MYRIP: variants seen among roughly 807,000 people sequenced by gnomAD.
MYRIP encodes rab effector MyRIP.
MYRIP carries 49 observed loss-of-function variants against 98.0 expected under a neutral mutation model. That is an observed-to-expected ratio of 0.50 (90% CI 0.40 to 0.63). The LOEUF (loss-of-function observed/expected upper bound fraction) is 0.63. Among genes scored for constraint, MYRIP ranks in the 30% least tolerant of loss-of-function variants. The probability of loss-of-function intolerance (pLI) is 0.00; values close to 1 mark genes in which losing one functional copy is unlikely to be tolerated. For synonymous variants in MYRIP, 404 were observed against 409.5 expected (o/e 0.99, Z 0.16); for missense variants, 1,004 against 1,058.2 (o/e 0.95, Z 0.71).
intron 2 of MYRIP, among the ~76,000 whole-genome samples, chr3:40,018,627 C>T (rs367561496): frequency 6.6e-6 from 1 of 152,278 alleles, no homozygotes; most frequent in East Asian, 1.9e-4. Flanking sequence ...CCACATCACC[C>T]TTCCTGCTTC....
At chr3:40,008,812 G>A (rs998228128) in intron 2 of MYRIP, among the ~76,000 whole-genome samples, 1 of 152,184 alleles carries the variant, frequency 6.6e-6, no homozygotes, top group South Asian at 2.1e-4. Context: ...AAGAATTTCA[G>A]GTTCTCTGCA....
At chr3:40,052,266 C>T (rs1947808580) in intron 3 of MYRIP, among the ~76,000 whole-genome samples, 1 of 152,036 alleles carries the variant, frequency 6.6e-6, no homozygotes, top group Non-Finnish European at 1.5e-5. Flanking sequence ...TTAGCGCCCA[C>T]ATATGAATGA....
rs72868202 is a variant in MYRIP at position 39,921,391 on chromosome 3, A to C, written c.110+20465A>C. ...AGTTAAGTGACAGGAACTCTACTCC[A>C]CTCCCCTAACTGTTTTCAAGGGAAT... On this transcript the variant is annotated intron_variant, in intron 2 of 16. Coordinates refer to ENST00000302541, the MANE Select transcript of MYRIP (RefSeq NM_015460.4). Among the ~76,000 whole-genome samples the C allele has an allele frequency of 1.6e-3, 238 of 151,856 alleles. 1 individual carries two copies. Among genetic ancestry groups the C allele is most frequent in the African/African-American group, 5.6e-3 (233 of 41,382 alleles).
intron 1 of MYRIP, among the ~76,000 whole-genome samples, chr3:39,888,814 A>C (rs1943392596): frequency 6.6e-6 from 1 of 152,212 alleles, no homozygotes; most frequent in Admixed American, 6.5e-5. Context: ...TCTACAATGA[A>C]CTCAAACAAA....
At position 40,233,503 on chromosome 3, in the gene MYRIP, C is replaced by T. The variant is rs76649457; in HGVS notation, c.1906-356C>T. On this transcript the variant is annotated intron_variant, in intron 11 of 16. Coordinates refer to ENST00000302541, the MANE Select transcript of MYRIP (RefSeq NM_015460.4). ...CACTGGACCACACTTCAGTCTGAGA[C>T]TGAAGTTTTGCTGATGAAGTAGAAT... 5.0e-4 allele frequency among the ~76,000 whole-genome samples: 76 copies of T among 152,280 alleles called. No individual in the cohort carries two copies. The East Asian group carries it at 0.014, about 28-fold the overall frequency.
chr3:39,964,921 G>T (rs1444657087), intron 2 of MYRIP, among the ~76,000 whole-genome samples: 1 of 152,066 alleles, frequency 6.6e-6, no homozygotes, highest in Non-Finnish European at 1.5e-5. Context: ...TTTTGATACA[G>T]ACATTTTCTA....
intron 11 of MYRIP, among the ~76,000 whole-genome samples, chr3:40,212,842 C>CAGG (rs988342616): frequency 2.0e-5 from 3 of 151,930 alleles, no homozygotes; most frequent in African/African-American, 7.3e-5. Context: ...GACTTGAACC[C>CAGG]AGGAGGTTGA....
At chr3:40,021,473 G>C (rs1350877120) in intron 2 of MYRIP, among the ~76,000 whole-genome samples, 2 of 152,206 alleles carry the variant, frequency 1.3e-5, no homozygotes, top group Non-Finnish European at 2.9e-5. Flanking sequence ...GTGATGATCT[G>C]AGCTGTAGAG....
intron 1 of MYRIP, among the ~76,000 whole-genome samples, chr3:39,897,281 T>A (rs1362704419): frequency 6.6e-6 from 1 of 152,244 alleles, no homozygotes. Context: ...TCCAAGAAGC[T>A]AATATGTCTT....
intron 1 of MYRIP, among the ~76,000 whole-genome samples, chr3:39,856,864 C>A (rs920205130): frequency 1.3e-5 from 2 of 152,114 alleles, no homozygotes; most frequent in African/African-American, 4.8e-5. Context: ...CATAAAGAAT[C>A]AAGGAAACGC....
chr3:40,242,664 CTTAAA>C (rs1953061560), intron 12 of MYRIP, among the ~76,000 whole-genome samples: 1 of 152,130 alleles, frequency 6.6e-6, no homozygotes, highest in South Asian at 2.1e-4. Flanking sequence ...CACTGCCATG[CTTAAA>C]TTATTTCGTT....
chr3:39,904,401 A>C (rs1305982479), intron 2 of MYRIP, among the ~76,000 whole-genome samples: 3 of 152,034 alleles, frequency 2.0e-5, no homozygotes, highest in African/African-American at 7.2e-5. Flanking sequence ...ACACCTGGCC[A>C]ATTTTTTGTA....
At chr3:40,155,940 G>A (rs1203259995) in intron 4 of MYRIP, among the ~76,000 whole-genome samples, 1 of 151,758 alleles carries the variant, frequency 6.6e-6, no homozygotes, top group Admixed American at 6.6e-5. Flanking sequence ...CATTTTGTAG[G>A]TTGCCTGTTC....
intron 2 of MYRIP, among the ~76,000 whole-genome samples, chr3:39,911,787 GACA>G (rs1944026581): frequency 6.6e-6 from 1 of 152,200 alleles, no homozygotes; most frequent in African/African-American, 2.4e-5. Flanking sequence ...CTGGTGGCAT[GACA>G]ACTTACTTGT....
intron 1 of MYRIP, among the ~76,000 whole-genome samples, chr3:39,821,386 T>G (rs1941098652): frequency 6.7e-6 from 1 of 149,372 alleles, no homozygotes; most frequent in African/African-American, 2.4e-5. Flanking sequence ...TCACCAGAGT[T>G]TTTACTGGTT....
chr3:40,126,259 G>T (rs1303248961), intron 3 of MYRIP, among the ~76,000 whole-genome samples: 1 of 152,198 alleles, frequency 6.6e-6, no homozygotes, highest in African/African-American at 2.4e-5. Flanking sequence ...AAACTCTGGG[G>T]TGGGGCCGAA....
chr3:40,110,804 C>T (rs1949141811), intron 3 of MYRIP, among the ~76,000 whole-genome samples: 1 of 152,034 alleles, frequency 6.6e-6, no homozygotes, highest in Non-Finnish European at 1.5e-5. Context: ...CTATTCTATT[C>T]TCAACTTCAC....
intron 2 of MYRIP, among the ~76,000 whole-genome samples, chr3:39,921,218 A>T (rs895500666): frequency 6.6e-6 from 1 of 152,170 alleles, no homozygotes; most frequent in Non-Finnish European, 1.5e-5. Context: ...TAACCTGCTC[A>T]TTTTCTAAAT....
intron 3 of MYRIP, among the ~76,000 whole-genome samples, chr3:40,080,833 T>G (rs1274407914): frequency 2.8e-5 from 4 of 141,902 alleles, no homozygotes; most frequent in Non-Finnish European, 4.6e-5. Context: ...CTACTTTCTT[T>G]GGGCTTTTTC....
Sources: gnomAD v4.1 joint callset for allele counts (sites outside exome capture counted in the v4.1 genomes callset) on GRCh38, gnomAD v4.1.1 for gene constraint, MANE v1.5 for transcripts, NCBI Gene and HGNC (gene_info 2026-07-23, HGNC 2026-07-21) for gene names.